Variants in WWOX observed in about 807,000 individuals in gnomAD.
WWOX encodes WW domain-containing oxidoreductase.
In WWOX, 69 loss-of-function variants were observed where a neutral mutation model predicts 46.2. The observed-to-expected ratio is 1.49, with a 90% CI of 1.23 to 1.82. The LOEUF (loss-of-function observed/expected upper bound fraction) is 1.82, where lower values mean the gene tolerates loss of function less well. WWOX is among the 40% of genes most tolerant of loss of function. The pLI, the probability that WWOX is intolerant of heterozygous loss-of-function variation, is 0.00. For missense variants in WWOX, 919 were observed against 542.6 expected, an observed-to-expected ratio of 1.69 and a Z score of -6.89; for synonymous variants, 359 against 202.6, an observed-to-expected ratio of 1.77 and a Z score of -6.56.
chr16:78,738,324 G>GT (rs2049136498), intron 8 of WWOX, among the ~76,000 whole-genome samples: 1 of 152,056 alleles, frequency 6.6e-6, no homozygotes, highest in Admixed American at 6.6e-5. Flanking sequence ...CACAATGATT[G>GT]TTTTTTCAGT....
intron 6 of WWOX, among the ~76,000 whole-genome samples, chr16:78,406,754 G>A (rs1172255973): frequency 6.6e-6 from 1 of 151,714 alleles, no homozygotes; most frequent in Non-Finnish European, 1.5e-5. Context: ...AGCCTCCCCA[G>A]TAGCTGGGAT....
chr16:78,688,647 T>C (rs2047916832), intron 8 of WWOX, among the ~76,000 whole-genome samples: 1 of 152,188 alleles, frequency 6.6e-6, no homozygotes, highest in Admixed American at 6.5e-5. Context: ...GGATAATTGA[T>C]AATGTCTGAG....
chr16:78,219,588 A>T (rs2036826470), intron 5 of WWOX, among the ~76,000 whole-genome samples: 1 of 152,178 alleles, frequency 6.6e-6, no homozygotes, highest in Non-Finnish European at 1.5e-5. Context: ...TCTGATCTGT[A>T]CAACTTAATT....
At chr16:78,250,098 C>T (rs1035120056) in intron 5 of WWOX, among the ~76,000 whole-genome samples, 2 of 152,180 alleles carry the variant, frequency 1.3e-5, no homozygotes, top group African/African-American at 4.8e-5. Context: ...GCTCTGTGAC[C>T]TTGGCAGCTG....
rs1203623073 is a variant in WWOX, at chr16:78,579,459, G to A, written c.1056+146707G>A. ...TGAAGGATCATGGGAGGGGAGGAGCGTGAGTTCCTCTTAAGTGAATATAAA... is the reference window on the plus strand; with the variant it reads ...TGAAGGATCATGGGAGGGGAGGAGCATGAGTTCCTCTTAAGTGAATATAAA... On this transcript the variant is annotated intron_variant, in intron 8 of 8. Coordinates refer to ENST00000566780, the MANE Select transcript of WWOX (RefSeq NM_016373.4). 2.0e-5 allele frequency among the ~76,000 whole-genome samples: 3 copies of A among 152,106 alleles called. No homozygotes were observed. In the South Asian group the frequency reaches 6.2e-4, roughly 32 times the overall value.
chr16:78,416,151 A>G (rs1475685538), intron 6 of WWOX, among the ~76,000 whole-genome samples: 1 of 152,302 alleles, frequency 6.6e-6, no homozygotes, highest in African/African-American at 2.4e-5. Flanking sequence ...TAGTAACATC[A>G]GTTTTTGGAA....
At chr16:78,685,125 C>T (rs1025061297) in intron 8 of WWOX, among the ~76,000 whole-genome samples, 4 of 152,118 alleles carry the variant, frequency 2.6e-5, no homozygotes, top group African/African-American at 7.2e-5. Context: ...CTCTCTGCAG[C>T]GTGATGTCTA....
At chr16:78,635,193 A>G (rs772967672) in intron 8 of WWOX, among the ~76,000 whole-genome samples, 9 of 152,084 alleles carry the variant, frequency 5.9e-5, no homozygotes, top group Non-Finnish European at 1.2e-4. Context: ...CTGACTCAGG[A>G]TTTGCTGGGG....
At chr16:78,580,447 C>G (rs1356460053) in intron 8 of WWOX, among the ~76,000 whole-genome samples, 1 of 152,192 alleles carries the variant, frequency 6.6e-6, no homozygotes, top group Non-Finnish European at 1.5e-5. Flanking sequence ...GGTAAATAAC[C>G]TTGTTGTGGA....
chr16:78,649,275 G>A (rs1010279938), intron 8 of WWOX, among the ~76,000 whole-genome samples: 4 of 151,588 alleles, frequency 2.6e-5, no homozygotes, highest in Non-Finnish European at 4.4e-5. Context: ...GTGAGCCACC[G>A]TGACTGACCT....
intron 8 of WWOX, among the ~76,000 whole-genome samples, chr16:78,501,191 C>CTTTT (rs201759001): frequency 6.5e-5 from 7 of 107,530 alleles, no homozygotes; most frequent in African/African-American, 9.3e-5. Flanking sequence ...CTCTTTCTTT[C>CTTTT]TCTTTTTTTT....
At chr16:78,469,000 T>C (rs1300969548) in intron 8 of WWOX, among the ~76,000 whole-genome samples, 1 of 152,234 alleles carries the variant, frequency 6.6e-6, no homozygotes, top group African/African-American at 2.4e-5. Flanking sequence ...GACTTAGCTA[T>C]CTTTCTTGAG....
chr16:78,847,651 T>G (rs2052335497), intron 8 of WWOX, among the ~76,000 whole-genome samples: 1 of 152,148 alleles, frequency 6.6e-6, no homozygotes, highest in African/African-American at 2.4e-5. Flanking sequence ...AGTTCATTAT[T>G]CTGAGCTTTC....
intron 6 of WWOX, among the ~76,000 whole-genome samples, chr16:78,388,141 C>T (rs1165804375): frequency 6.6e-6 from 1 of 152,216 alleles, no homozygotes; most frequent in East Asian, 1.9e-4. Flanking sequence ...AGTGATTTTC[C>T]TGTCCCAGCC....
chr16:78,812,448 A>G (rs1474615520), intron 8 of WWOX, among the ~76,000 whole-genome samples: 1 of 152,072 alleles, frequency 6.6e-6, no homozygotes, highest in Non-Finnish European at 1.5e-5. Context: ...CTGACTGGGC[A>G]TGGTGGCTCC....
chr16:78,672,066 A>C (rs1323724673), intron 8 of WWOX, among the ~76,000 whole-genome samples: 1 of 152,206 alleles, frequency 6.6e-6, no homozygotes, highest in African/African-American at 2.4e-5. Flanking sequence ...CATGATTAAA[A>C]AGCATTCTGT....
At chr16:78,816,271 A>T (rs1018397838) in intron 8 of WWOX, among the ~76,000 whole-genome samples, 5 of 152,156 alleles carry the variant, frequency 3.3e-5, no homozygotes, top group African/African-American at 1.2e-4. Context: ...CTTTTCTAGC[A>T]TTTGAGTTCC....
At chr16:78,924,957 G>A (rs930635083) in intron 8 of WWOX, among the ~76,000 whole-genome samples, 8 of 152,110 alleles carry the variant, frequency 5.3e-5, no homozygotes, top group Admixed American at 5.2e-4. Context: ...CACTTTGGGG[G>A]GCCAAGGCGG....
At chr16:78,330,847 AG>A (rs1349333264) in intron 5 of WWOX, among the ~76,000 whole-genome samples, 1 of 152,254 alleles carries the variant, frequency 6.6e-6, no homozygotes, top group Non-Finnish European at 1.5e-5. Flanking sequence ...TGGAAACAGA[AG>A]AAAATAAAAT....
Sources: allele counts gnomAD v4.1 joint callset (sites outside exome capture counted in the v4.1 genomes callset), GRCh38; gene constraint gnomAD v4.1.1; transcripts MANE v1.5; gene names NCBI Gene and HGNC (gene_info 2026-07-23, HGNC 2026-07-21).